SAMD12: variants seen among roughly 807,000 people sequenced by gnomAD.
The protein encoded by SAMD12 is sterile alpha motif domain-containing protein 12.
Under a neutral mutation model 15.0 loss-of-function variants are expected in SAMD12, and 9 were observed. The ratio of observed to expected loss-of-function variants is 0.60; its 90% CI spans 0.36 to 1.05. The LOEUF is 1.05. Among genes scored for constraint, SAMD12 ranks in the 50% least tolerant of loss-of-function variants. The pLI is 0.01. For missense variants in SAMD12, 230 were observed against 234.2 expected, an observed-to-expected ratio of 0.98 and a Z score of 0.12; for synonymous variants, 86 against 90.1, an observed-to-expected ratio of 0.96 and a Z score of 0.25.
the SAMD12 span, among the ~76,000 whole-genome samples, chr8:118,165,977 C>T: frequency 7.2e-5 from 11 of 152,078 alleles, no homozygotes; most frequent in African/African-American, 2.7e-4. Flanking sequence ...TTCTCGACTT[C>T]ATCTGATTTC....
intron 2 of SAMD12, among the ~76,000 whole-genome samples, chr8:118,543,627 C>CTTTT (rs1554582437): frequency 8.6e-6 from 1 of 116,916 alleles, no homozygotes; most frequent in African/African-American, 4.6e-5. Context: ...TTCTTTCTTT[C>CTTTT]TTTCTTTTTT....
intron 4 of SAMD12, among the ~76,000 whole-genome samples, chr8:118,256,038 A>G (rs1812932139): frequency 6.6e-6 from 1 of 152,124 alleles, no homozygotes; most frequent in Non-Finnish European, 1.5e-5. Flanking sequence ...CTTTTTAATC[A>G]TTGCCATTCT....
chr8:118,176,028 G>A, the SAMD12 span, among the ~76,000 whole-genome samples: 2,140 of 152,264 alleles, frequency 0.014, 89 homozygotes, highest in East Asian at 0.11. Context: ...TTGGCCAGGC[G>A]TGGTGGCTCA....
At chr8:118,203,488 C>G (rs1354073767) in intron 4 of SAMD12, among the ~76,000 whole-genome samples, 1 of 151,910 alleles carries the variant, frequency 6.6e-6, no homozygotes, top group Non-Finnish European at 1.5e-5. Flanking sequence ...TATAGGACAG[C>G]CCTCACAACA....
chr8:118,557,375 T>A (rs139556390), intron 2 of SAMD12, among the ~76,000 whole-genome samples: 1 of 152,242 alleles, frequency 6.6e-6, no homozygotes, highest in Non-Finnish European at 1.5e-5. Context: ...CTTTTCTATA[T>A]AAATTACTCA....
intron 4 of SAMD12, among the ~76,000 whole-genome samples, chr8:118,331,265 C>T (rs1816794932): frequency 6.6e-6 from 1 of 152,054 alleles, no homozygotes; most frequent in Admixed American, 6.6e-5. Context: ...CCAGGGGAAG[C>T]AGAAGAGGAA....
downstream of SAMD12, among the ~76,000 whole-genome samples, chr8:118,374,490 T>G (rs1235044261): frequency 6.6e-6 from 1 of 152,178 alleles, no homozygotes; most frequent in African/African-American, 2.4e-5. Flanking sequence ...CTTTTGGATA[T>G]GTACCCAGAA....
intron 4 of SAMD12, among the ~76,000 whole-genome samples, chr8:118,248,617 T>G (rs1202245263): frequency 6.9e-6 from 1 of 144,958 alleles, no homozygotes; most frequent in Non-Finnish European, 1.5e-5. Context: ...AAAAAATGAT[T>G]ACTGAATAGA....
chr8:118,162,771 A>C, the SAMD12 span, among the ~76,000 whole-genome samples: 1 of 152,152 alleles, frequency 6.6e-6, no homozygotes, highest in Non-Finnish European at 1.5e-5. Flanking sequence ...AAAGAGTGAA[A>C]ATGGAGACAA....
At chr8:118,259,429 G>T (rs1332322229) in intron 4 of SAMD12, among the ~76,000 whole-genome samples, 1 of 152,100 alleles carries the variant, frequency 6.6e-6, no homozygotes, top group Non-Finnish European at 1.5e-5. Flanking sequence ...GTGGGTGGAG[G>T]CTAGGGATGC....
chr8:118,306,053 C>T (rs1175097396), intron 4 of SAMD12, among the ~76,000 whole-genome samples: 1 of 152,186 alleles, frequency 6.6e-6, no homozygotes, highest in East Asian at 1.9e-4. Flanking sequence ...CTTTGTCCTT[C>T]CAGCTTCAGG....
chr8:118,281,438 T>C (rs1040135969), intron 4 of SAMD12, among the ~76,000 whole-genome samples: 1 of 152,230 alleles, frequency 6.6e-6, no homozygotes, highest in Non-Finnish European at 1.5e-5. Context: ...ACTCCTGACT[T>C]GTCATCTAAC....
intron 1 of SAMD12, among the ~76,000 whole-genome samples, chr8:118,620,183 C>G (rs1828356173): frequency 6.6e-6 from 1 of 152,060 alleles, no homozygotes; most frequent in South Asian, 2.1e-4. Flanking sequence ...TTTTCGAGAA[C>G]AGTGTGGACT....
intron 2 of SAMD12, among the ~76,000 whole-genome samples, chr8:118,550,077 G>T (rs1826275480): frequency 6.6e-6 from 1 of 152,194 alleles, no homozygotes; most frequent in Non-Finnish European, 1.5e-5. Context: ...GTGACAGGGA[G>T]AATGGAACCA....
In SAMD12 at chr8:118,579,940, A is replaced by G. The variant is rs1827244536; in HGVS notation, c.192+775T>C. 1.3e-5 allele frequency among the ~76,000 whole-genome samples: 2 copies of G among 152,208 alleles called. 1 individual carries two copies. The highest frequency in any genetic ancestry group is 4.1e-4 in the South Asian group (2 of 4,836). ...GCCAGTCCCATTGTAGGGAGCCTTT[A>G]GAAGAGGCTGTCCTTACTAAAAAAT... On this transcript the variant is annotated intron_variant, in intron 2 of 3. Transcript: ENST00000314727.
chr8:118,442,368 C>T (rs1822789162), intron 2 of SAMD12, among the ~76,000 whole-genome samples: 2 of 152,214 alleles, frequency 1.3e-5, no homozygotes, highest in Non-Finnish European at 2.9e-5. Flanking sequence ...CTTCTCTACC[C>T]TGCTGTGTGT....
intron 3 of SAMD12, among the ~76,000 whole-genome samples, chr8:118,437,025 T>C (rs1309515424): frequency 1.3e-5 from 2 of 152,126 alleles, no homozygotes; most frequent in African/African-American, 4.8e-5. Flanking sequence ...TGTCCTCTCT[T>C]AAGTCATTCT....
chr8:118,392,090 T>G (rs1820306181), intron 3 of SAMD12, among the ~76,000 whole-genome samples: 1 of 152,184 alleles, frequency 6.6e-6, no homozygotes, highest in Non-Finnish European at 1.5e-5. Context: ...ACACCCTCTC[T>G]CCCCATGTTG....
chr8:118,471,957 A>G (rs1171031870), intron 2 of SAMD12, among the ~76,000 whole-genome samples: 1 of 152,222 alleles, frequency 6.6e-6, no homozygotes. Flanking sequence ...CTGTAGTGTC[A>G]TTGGAAAATT....
Sources: gnomAD v4.1 joint callset for allele counts (sites outside exome capture counted in the v4.1 genomes callset) on GRCh38, gnomAD v4.1.1 for gene constraint, MANE v1.5 for transcripts, NCBI Gene and HGNC (gene_info 2026-07-23, HGNC 2026-07-21) for gene names.